LETM2: variants seen among roughly 807,000 people sequenced by gnomAD.
The protein encoded by LETM2 is LETM1 domain-containing protein LETM2, mitochondrial.
A neutral mutation model predicts 59.6 loss-of-function variants in LETM2; 58 were observed. The observed-to-expected ratio is 0.97, with a 90% CI of 0.79 to 1.21. The LOEUF is 1.21. LETM2 is among the 50% of genes most tolerant of loss of function. The probability of loss-of-function intolerance (pLI) is 0.00; values close to 1 mark genes in which losing one functional copy is unlikely to be tolerated. For synonymous variants in LETM2, 199 were observed against 214.1 expected (o/e 0.93, Z 0.62); for missense variants, 572 against 575.7 (o/e 0.99, Z 0.07).
chr8:38,391,459 C>T (rs1183860797), intron 2 of LETM2, among the ~76,000 whole-genome samples: 7 of 151,492 alleles, frequency 4.6e-5, no homozygotes, highest in East Asian at 2.0e-4. Context: ...CGTGCCACCA[C>T]GCCCAGCTAA....
At position 38,408,175 on chromosome 8, in the gene LETM2, G is replaced by A. The variant is rs115040577; in HGVS notation, c.1414-37G>A. The stretch of plus-strand genomic sequence containing the variant: ...TCACTCCTTAAGAACTTACACGTCT[G>A]TGACTAATGCCTACAGTCCTTGTTT... On this transcript the variant is annotated intron_variant, in intron 10 of 10. Coordinates refer to ENST00000379957, the MANE Select transcript of LETM2 (RefSeq NM_001286819.2). 1.4e-4 allele frequency: 222 copies of A among 1,569,512 alleles called. No individual in the cohort carries two copies. The African/African-American group carries it at 2.7e-3, about 19-fold the overall frequency.
chr8:38,404,290 G>A (rs1439257675), intron 7 of LETM2, 103 bp from the exon 8 acceptor site: 1 of 785,908 alleles, frequency 1.3e-6, no homozygotes, highest in African/African-American at 1.7e-5. Context: ...GGCGGAAAGG[G>A]CGGGGGCGGT....
At chr8:38,404,753 G>A (rs1395256737) in intron 8 of LETM2, 1 of 403,806 alleles carries the variant, frequency 2.5e-6, no homozygotes, top group Non-Finnish European at 4.6e-6. Flanking sequence ...GCCGAGGTAG[G>A]TGGATCACCT....
chr8:38,398,190 G>A (rs1812843955), intron 4 of LETM2, among the ~76,000 whole-genome samples: 1 of 150,902 alleles, frequency 6.6e-6, no homozygotes, highest in South Asian at 2.1e-4. Flanking sequence ...ACCTTCACAG[G>A]ATAAATCAAA....
At chr8:38,390,124 G>T (rs1166776589) in intron 2 of LETM2, among the ~76,000 whole-genome samples, 1 of 151,930 alleles carries the variant, frequency 6.6e-6, no homozygotes, top group Non-Finnish European at 1.5e-5. Flanking sequence ...AGGATGCTGA[G>T]CCTGGGAGGT....
intron 4 of LETM2, among the ~76,000 whole-genome samples, chr8:38,397,800 C>T (rs1396176227): frequency 1.3e-5 from 2 of 152,002 alleles, no homozygotes; most frequent in Non-Finnish European, 2.9e-5. Flanking sequence ...AATGCTAGCC[C>T]AAGAGAGAGA....
At chr8:38,388,957 G>C (rs1811993775) in intron 2 of LETM2, among the ~76,000 whole-genome samples, 1 of 151,828 alleles carries the variant, frequency 6.6e-6, no homozygotes, top group Admixed American at 6.6e-5. Context: ...GTACAGATGG[G>C]GTTTCGCCAT....
chr8:38,391,924 T>G (rs562408493), intron 2 of LETM2, among the ~76,000 whole-genome samples: 1 of 152,008 alleles, frequency 6.6e-6, no homozygotes, highest in South Asian at 2.1e-4. Flanking sequence ...ACTCCTGACC[T>G]CAGGTGATCC....
chr8:38,386,789 T>A (rs1811806315), intron 1 of LETM2: 1 of 152,838 alleles, frequency 6.5e-6, no homozygotes, highest in Non-Finnish European at 1.5e-5. Context: ...CTCCTCCCCC[T>A]TCCCCGCACA....
At chr8:38,392,118 A>G (rs887675875) in intron 2 of LETM2, among the ~76,000 whole-genome samples, 7 of 152,156 alleles carry the variant, frequency 4.6e-5, no homozygotes, top group African/African-American at 1.4e-4. Context: ...TGACCATCAA[A>G]TGTTTCTTTG....
At chr8:38,399,939 T>G (rs1236783350) in intron 4 of LETM2, among the ~76,000 whole-genome samples, 1 of 151,196 alleles carries the variant, frequency 6.6e-6, no homozygotes, top group African/African-American at 2.4e-5. Flanking sequence ...GAGTGGGACT[T>G]GATCTCAAAA....
chr8:38,404,652 T>C (rs1215185923), intron 8 of LETM2, 146 bp downstream of exon 8: 2 of 610,398 alleles, frequency 3.3e-6, no homozygotes, highest in Non-Finnish European at 5.8e-6. Flanking sequence ...TTTAAAAATT[T>C]CTAAAAAAAC....
chr8:38,404,868 T>C, intron 8 of LETM2: 1 of 192,850 alleles, frequency 5.2e-6, no homozygotes, highest in Non-Finnish European at 1.1e-5. Flanking sequence ...TAATCCCAGC[T>C]ACTTGGGAGG....
chr8:38,406,920 G>A (rs1813764830), intron 8 of LETM2, 26 bp from the exon 9 acceptor site: 1 of 1,474,804 alleles, frequency 6.8e-7, no homozygotes. Context: ...GAAAGCTTAT[G>A]ATACATAAAA....
chr8:38,396,429 G>A (rs1274440565), intron 4 of LETM2, among the ~76,000 whole-genome samples: 1 of 152,116 alleles, frequency 6.6e-6, no homozygotes, highest in Non-Finnish European at 1.5e-5. Context: ...CTCCCAAAGT[G>A]CTGGGATAAC....
intron 5 of LETM2, 65 bp downstream of exon 5, chr8:38,400,474 A>G (rs1388158847): frequency 2.1e-6 from 3 of 1,463,132 alleles, no homozygotes; most frequent in Admixed American, 4.9e-5. Context: ...AACGCATGTC[A>G]TCATGGATTT....
intron 4 of LETM2, 85 bp from the exon 5 acceptor site, chr8:38,400,187 A>G: frequency 1.9e-6 from 2 of 1,063,276 alleles, no homozygotes; most frequent in South Asian, 3.1e-5. Flanking sequence ...GAGCAATAAC[A>G]AGGAGACAGT....
At chr8:38,392,137 T>C (rs1812331647) in intron 2 of LETM2, among the ~76,000 whole-genome samples, 1 of 152,194 alleles carries the variant, frequency 6.6e-6, no homozygotes, top group South Asian at 2.1e-4. Context: ...TGAAACAATA[T>C]TCCTTGGCCA....
At chr8:38,400,656 C>G in intron 5 of LETM2, 197 bp from the exon 6 acceptor site, 3 of 660,666 alleles carry the variant, frequency 4.5e-6, no homozygotes, top group Non-Finnish European at 7.6e-6. Flanking sequence ...GATTTAGAGT[C>G]AAACTTCCAA....
Sources: gnomAD v4.1 joint callset for allele counts (sites outside exome capture counted in the v4.1 genomes callset) on GRCh38, gnomAD v4.1.1 for gene constraint, MANE v1.5 for transcripts, NCBI Gene and HGNC (gene_info 2026-07-23, HGNC 2026-07-21) for gene names.